The following PPFIA2 variants were observed in gnomAD, a reference collection of about 807,000 sequenced individuals.
PPFIA2 encodes the protein PPFI scaffold protein A2.
In PPFIA2, 46 loss-of-function variants were observed where a neutral mutation model predicts 175.5. That is an observed-to-expected ratio of 0.26 (90% confidence interval 0.21 to 0.34). The LOEUF is 0.34. Ranked by LOEUF, PPFIA2 falls within the 10% of genes least tolerant of loss-of-function variation. The pLI is 1.00. For synonymous variants in PPFIA2, 568 were observed against 511.4 expected, an observed-to-expected ratio of 1.11 and a Z score of -1.49; for missense variants, 1,179 against 1,506.1, an observed-to-expected ratio of 0.78 and a Z score of 3.60.
intron 4 of PPFIA2, among the ~76,000 whole-genome samples, chr12:81,470,446 A>G (rs1204587165): frequency 2.0e-5 from 3 of 152,354 alleles, no homozygotes; most frequent in Admixed American, 6.5e-5. Flanking sequence ...AAAGATGCAG[A>G]GGAGCCTCAT....
intron 4 of PPFIA2, among the ~76,000 whole-genome samples, chr12:81,640,306 T>C (rs2064789537): frequency 6.6e-6 from 1 of 152,116 alleles, no homozygotes; most frequent in South Asian, 2.1e-4. Context: ...AAAAGAAGTC[T>C]GTAGAGGAAT....
In PPFIA2 at chr12:81,384,119, G is replaced by A; in HGVS notation, c.888C>T (p.Ser296=). The A allele has an allele frequency of 6.2e-7, 1 of 1,613,104 alleles. No homozygotes were observed. The highest frequency in any genetic ancestry group is 8.5e-7 in the Non-Finnish European group (1 of 1,179,480). Residue 296 remains serine, a synonymous_variant, in exon 9 of 33, where the codon TCC becomes TCT. Coordinates refer to ENST00000549396, the MANE Select transcript of PPFIA2 (RefSeq NM_003625.5). ...CTTCCTGTTCCACCTCTCCCACTCG[G>A]GAAGAAAGGGCTGCTAAACGTTCTT... The part of the protein sequence containing the change: ...QMKERLAALS[S]RVGEVEQEAE...
chr12:81,691,501 CT>C (rs1596438712), intron 3 of PPFIA2, among the ~76,000 whole-genome samples: 1 of 152,100 alleles, frequency 6.6e-6, no homozygotes, highest in East Asian at 1.9e-4. Context: ...ATACTGCTTT[CT>C]GTTCTGTGGC....
intron 3 of PPFIA2, among the ~76,000 whole-genome samples, chr12:81,692,866 T>C (rs927999430): frequency 6.6e-6 from 1 of 152,094 alleles, no homozygotes; most frequent in African/African-American, 2.4e-5. Flanking sequence ...GGAGTTTTGA[T>C]ACCCTAAAGC....
chr12:81,379,015 T>G (rs749350145), intron 9 of PPFIA2, among the ~76,000 whole-genome samples: 11 of 152,184 alleles, frequency 7.2e-5, no homozygotes, highest in Non-Finnish European at 1.3e-4. Flanking sequence ...ATTACTATTA[T>G]GTACACAATT....
intron 4 of PPFIA2, among the ~76,000 whole-genome samples, chr12:81,538,505 G>A (rs117058957): frequency 0.085 from 12,960 of 151,832 alleles, 806 homozygotes; most frequent in Middle Eastern, 0.15. Flanking sequence ...AATAGAGGAT[G>A]TTCGGGAAGA....
chr12:81,728,481 G>C (rs982459948), intron 3 of PPFIA2, among the ~76,000 whole-genome samples: 1 of 151,102 alleles, frequency 6.6e-6, no homozygotes, highest in Non-Finnish European at 1.5e-5. Flanking sequence ...ATTTTAAATA[G>C]TGCAAGATGA....
intron 4 of PPFIA2, among the ~76,000 whole-genome samples, chr12:81,467,950 C>T: frequency 6.6e-6 from 1 of 152,080 alleles, no homozygotes; most frequent in East Asian, 1.9e-4. Flanking sequence ...TGAGTGGCTG[C>T]CTTGTTCCCA....
At chr12:81,379,070 C>A (rs2037041893) in intron 9 of PPFIA2, among the ~76,000 whole-genome samples, 1 of 152,062 alleles carries the variant, frequency 6.6e-6, no homozygotes, top group African/African-American at 2.4e-5. Context: ...GGAATTTTTG[C>A]ATTTTGTAAT....
chr12:81,271,346 C>T (rs533770880), intron 28 of PPFIA2, among the ~76,000 whole-genome samples: 2 of 152,312 alleles, frequency 1.3e-5, no homozygotes, highest in South Asian at 4.1e-4. Context: ...TCTCTGCTTA[C>T]TGCAACCTCT....
chr12:81,318,058 C>G (rs2052801568), intron 22 of PPFIA2, among the ~76,000 whole-genome samples: 1 of 151,636 alleles, frequency 6.6e-6, no homozygotes, highest in South Asian at 2.1e-4. Flanking sequence ...TGTACTAACC[C>G]CTGACTTCTG....
intron 4 of PPFIA2, among the ~76,000 whole-genome samples, chr12:81,640,580 C>T (rs1422986369): frequency 6.6e-6 from 1 of 152,058 alleles, no homozygotes; most frequent in Non-Finnish European, 1.5e-5. Flanking sequence ...TGACTTCTAT[C>T]TAAAACTCCA....
At chr12:81,350,989 C>G (rs1368231861) in intron 17 of PPFIA2, among the ~76,000 whole-genome samples, 7 of 152,080 alleles carry the variant, frequency 4.6e-5, no homozygotes, top group Non-Finnish European at 1.5e-5. Context: ...TTCAGAAGAA[C>G]ACAAATCTAC....
intron 4 of PPFIA2, among the ~76,000 whole-genome samples, chr12:81,674,267 C>T (rs1190845923): frequency 1.3e-5 from 2 of 152,008 alleles, no homozygotes; most frequent in Non-Finnish European, 2.9e-5. Flanking sequence ...TTGATGTATT[C>T]TGTTCAATAA....
chr12:81,648,623 T>C (rs1182600815), intron 4 of PPFIA2, among the ~76,000 whole-genome samples: 4 of 151,998 alleles, frequency 2.6e-5, no homozygotes, highest in African/African-American at 9.7e-5. Flanking sequence ...GGGTTTTTTC[T>C]TTTTTTGTTT....
chr12:81,547,811 T>C (rs1435147063), intron 4 of PPFIA2, among the ~76,000 whole-genome samples: 1 of 152,152 alleles, frequency 6.6e-6, no homozygotes. Context: ...CTAGAAAATA[T>C]GTAATAAACA....
rs918409567 is a variant in PPFIA2 at position 81,753,486 on chromosome 12, A to G, written c.249+487T>C. Among the ~76,000 whole-genome samples the G allele has an allele frequency of 5.1e-4, 77 of 151,954 alleles. 3 individuals are homozygous for G. The highest frequency in any genetic ancestry group is 1.9e-4 in the East Asian group (1 of 5,160). Reference sequence around the variant, plus strand: ...TTTTTCCCAAGGGAGAGGATAATATATTAGTAATTCCAAGAATTTTAAAGC... The same window carrying G: ...TTTTTCCCAAGGGAGAGGATAATATGTTAGTAATTCCAAGAATTTTAAAGC... On this transcript the variant is annotated intron_variant, in intron 3 of 32. Transcript: ENST00000549396.
At chr12:81,336,328 C>A (rs1489550938) in intron 21 of PPFIA2, among the ~76,000 whole-genome samples, 1 of 152,008 alleles carries the variant, frequency 6.6e-6, no homozygotes, top group Non-Finnish European at 1.5e-5. Flanking sequence ...TTGGGGTTTC[C>A]ATACTGATAT....
At chr12:81,604,903 A>T (rs1399123297) in intron 4 of PPFIA2, among the ~76,000 whole-genome samples, 1 of 151,784 alleles carries the variant, frequency 6.6e-6, no homozygotes, top group Non-Finnish European at 1.5e-5. Context: ...AAACGGAGTA[A>T]ATTAAAAATC....
Sources: gnomAD v4.1 joint callset for allele counts (sites outside exome capture counted in the v4.1 genomes callset) on GRCh38, gnomAD v4.1.1 for gene constraint, MANE v1.5 for transcripts, NCBI Gene and HGNC (gene_info 2026-07-23, HGNC 2026-07-21) for gene names.